The following CHD7 variants were observed in gnomAD, a reference collection of about 807,000 sequenced individuals.
CHD7 encodes chromodomain helicase DNA binding protein 7.
In CHD7, 24 loss-of-function variants were observed where a neutral mutation model predicts 307.3. The ratio of observed to expected loss-of-function variants is 0.08; its 90% confidence interval spans 0.06 to 0.11. The LOEUF is 0.11. CHD7 is among the 10% of genes least tolerant of loss of function. CHD7 has a pLI of 1.00. For missense variants in CHD7, 3,106 were observed against 3,727.1 expected, an observed-to-expected ratio of 0.83 and a Z score of 4.34; for synonymous variants, 1,363 against 1,349.9, an observed-to-expected ratio of 1.01 and a Z score of -0.21.
At chr8:60,749,828 TC>T (rs1409136229) in intron 2 of CHD7, among the ~76,000 whole-genome samples, 1 of 152,264 alleles carries the variant, frequency 6.6e-6, no homozygotes, top group Non-Finnish European at 1.5e-5. Context: ...TACTGGTCTC[TC>T]TTTCCTGGGC....
intron 1 of CHD7, among the ~76,000 whole-genome samples, chr8:60,733,270 A>C (rs748674018): frequency 1.0e-5 from 1 of 99,186 alleles, no homozygotes; most frequent in Non-Finnish European, 2.2e-5. Context: ...ATAGATACAC[A>C]TATTTTATGT....
intron 1 of CHD7, among the ~76,000 whole-genome samples, chr8:60,695,879 T>C (rs181434943): frequency 2.1e-4 from 32 of 152,354 alleles, no homozygotes; most frequent in African/African-American, 7.7e-4. Context: ...TGCCTGAAGT[T>C]TCATAAGTAT....
intron 2 of CHD7, among the ~76,000 whole-genome samples, chr8:60,761,082 G>A (rs368492372): frequency 5.3e-4 from 80 of 152,128 alleles, no homozygotes; most frequent in Non-Finnish European, 8.7e-4. Context: ...GCAAAGACTT[G>A]GAACCAACCC....
chr8:60,708,812 C>T (rs1012612811), intron 1 of CHD7, among the ~76,000 whole-genome samples: 1 of 152,170 alleles, frequency 6.6e-6, no homozygotes, highest in Non-Finnish European at 1.5e-5. Flanking sequence ...TCTTTTCAAC[C>T]GAATGCAACT....
chr8:60,721,668 A>G (rs1012495244), intron 1 of CHD7, among the ~76,000 whole-genome samples: 4 of 152,174 alleles, frequency 2.6e-5, no homozygotes, highest in African/African-American at 4.8e-5. Flanking sequence ...CACATTTCTA[A>G]CCAGTTCCCC....
chr8:60,763,436 G>C (rs1305646930), intron 2 of CHD7, among the ~76,000 whole-genome samples: 2 of 152,054 alleles, frequency 1.3e-5, no homozygotes, highest in Non-Finnish European at 2.9e-5. Flanking sequence ...AGAGGTAATG[G>C]GTTTTGAATT....
At chr8:60,864,995 T>C (rs760295265) in intron 37 of CHD7, 21 bp from the exon 38 acceptor site, 1 of 1,563,860 alleles carries the variant, frequency 6.4e-7, no homozygotes, top group East Asian at 2.3e-5. Flanking sequence ...ATAGCCACTG[T>C]TTGCCTCCCC....
chr8:60,687,985 G>A (rs1586162878), intron 1 of CHD7, among the ~76,000 whole-genome samples: 1 of 152,238 alleles, frequency 6.6e-6, no homozygotes, highest in East Asian at 1.9e-4. Context: ...ATGCCATGCT[G>A]TGATGCTACC....
At chr8:60,717,354 T>C (rs567642689) in intron 1 of CHD7, among the ~76,000 whole-genome samples, 3 of 152,316 alleles carry the variant, frequency 2.0e-5, no homozygotes, top group African/African-American at 7.2e-5. Flanking sequence ...TGTAGAACTT[T>C]TCTGAGGGCA....
chr8:60,696,614 G>T (rs1806485377), intron 1 of CHD7, among the ~76,000 whole-genome samples: 1 of 151,656 alleles, frequency 6.6e-6, no homozygotes. Flanking sequence ...TGGATTGCAG[G>T]TAGTTTTTTT....
intron 1 of CHD7, among the ~76,000 whole-genome samples, chr8:60,696,841 A>G (rs1241374009): frequency 6.7e-6 from 1 of 148,806 alleles, no homozygotes; most frequent in Non-Finnish European, 1.5e-5. Flanking sequence ...CAAATTTTGC[A>G]TGTTTTTTTT....
At chr8:60,763,414 A>G (rs1226561425) in intron 2 of CHD7, among the ~76,000 whole-genome samples, 1 of 152,112 alleles carries the variant, frequency 6.6e-6, no homozygotes, top group African/African-American at 2.4e-5. Context: ...ATGGCTTGGT[A>G]GAAGACAGTT....
intron 9 of CHD7, 48 bp from the exon 10 acceptor site, chr8:60,821,742 G>A: frequency 6.6e-7 from 1 of 1,517,848 alleles, no homozygotes. Flanking sequence ...GTATATGTAT[G>A]TATGTGGTCA....
rs762290343 is a variant in CHD7, at chr8:60,742,292, C to T, written c.860C>T (p.Pro287Leu). The part of the protein sequence containing the change: ...PNPPQQGAVR[P>L]QTLNFSSRSQ... ...CCTCCCCAACAAGGGGCTGTTAGGC[C>T]GCAAACCCTTAACTTTAGTTCTCGG... is the stretch of plus-strand genomic sequence containing the variant. The change falls in exon 2 of 38, where the codon CCG (proline) becomes CTG (leucine). Residue 287 changes from proline to leucine, a missense_variant. Physicochemically the swap from Pro to Leu is moderately conservative, Grantham distance 98. This residue lies in a region of CHD7 where 998 missense variants were observed against 1,004.5 expected (regional missense o/e 0.99). Coordinates refer to ENST00000423902, the MANE Select transcript of CHD7 (RefSeq NM_017780.4). 5.0e-6 allele frequency: 8 copies of T among 1,613,808 alleles called. No homozygotes were observed. Among genetic ancestry groups the T allele is most frequent in the Admixed American group, 3.3e-5 (2 of 60,004 alleles).
At chr8:60,744,027 G>A (rs971766434) in intron 2 of CHD7, among the ~76,000 whole-genome samples, 1 of 152,190 alleles carries the variant, frequency 6.6e-6, no homozygotes. Context: ...AAATACAGAG[G>A]AGTGAGAGAC....
chr8:60,764,351 A>G (rs1810367855), intron 2 of CHD7, among the ~76,000 whole-genome samples: 1 of 152,368 alleles, frequency 6.6e-6, no homozygotes, highest in Non-Finnish European at 1.5e-5. Context: ...AAAATTATGT[A>G]CAATGAAATC....
intron 3 of CHD7, among the ~76,000 whole-genome samples, chr8:60,785,994 T>C (rs973714591): frequency 6.6e-6 from 1 of 152,226 alleles, no homozygotes; most frequent in African/African-American, 2.4e-5. Context: ...GATAAATGAA[T>C]CTTTGAGCCC....
chr8:60,692,701 C>T lies in CHD7; in HGVS notation c.-175+13619C>T, dbSNP rs373600495. ...TTTTGGATAGAGGCCATACTGACCA[C>T]CCCTCTTCCTGACACTTCAGGTTAT... On this transcript the variant is annotated intron_variant, in intron 1 of 37. Transcript: ENST00000423902. Among the ~76,000 whole-genome samples the T allele has an allele frequency of 1.0e-3, 156 of 152,298 alleles. 1 individual carries two copies. The Middle Eastern group carries it at 0.017, about 17-fold the overall frequency.
At position 60,865,679 on chromosome 8, in the gene CHD7, G is replaced by A. The variant is rs187751757; in HGVS notation, c.8740G>A (p.Gly2914Arg). Residue 2914 changes from glycine to arginine, a missense_variant, in exon 38 of 38, where the codon GGG (glycine) becomes AGG (arginine). Physicochemically the swap from Gly to Arg is moderately radical, Grantham distance 125. Around this residue, in one of 10 missense-constraint regions of CHD7, gnomAD observed 351 missense variants for 366.2 expected, o/e 0.96. Coordinates refer to ENST00000423902, the MANE Select transcript of CHD7 (RefSeq NM_017780.4). The surrounding 1 kb of genome is among the most constrained non-coding windows in gnomAD (Gnocchi z 4.3). ...YPSMFLPPGLGGLTLPGFPAL... is the reference protein window; with the variant it reads ...YPSMFLPPGLRGLTLPGFPAL... ...ATCCATGTTTCTACCTCCAGGACTG[G>A]GGGGATTGACGCTGCCTGGGTTCCC... 159 of 1,606,794 alleles carry A rather than the reference G, an allele frequency of 9.9e-5. No individual in the cohort carries two copies. In the Admixed American group the frequency reaches 1.8e-3, roughly 18 times the overall value.
Sources: allele counts gnomAD v4.1 joint callset (sites outside exome capture counted in the v4.1 genomes callset), GRCh38; gene constraint gnomAD v4.1.1; regional missense constraint gnomAD v4.1.1; non-coding constraint Gnocchi (gnomAD v3.1); transcripts MANE v1.5; gene names NCBI Gene and HGNC (gene_info 2026-07-23, HGNC 2026-07-21).